LRRTM4: variants seen among roughly 807,000 people sequenced by gnomAD.
LRRTM4 encodes the protein leucine rich repeat transmembrane neuronal 4, also known as leucine-rich repeat transmembrane neuronal protein 4.
Under a neutral mutation model 47.6 loss-of-function variants are expected in LRRTM4, and 25 were observed. The ratio of observed to expected loss-of-function variants is 0.53; its 90% CI spans 0.38 to 0.73. The LOEUF is 0.73. Ranked by LOEUF, LRRTM4 falls within the 30% of genes least tolerant of loss-of-function variation. The pLI is 0.00. For missense variants in LRRTM4, 638 were observed against 713.4 expected (o/e 0.89, Z 1.20); for synonymous variants, 311 against 269.5 (o/e 1.15, Z -1.51).
At chr2:76,817,693 A>T (rs1305840962) in intron 3 of LRRTM4, among the ~76,000 whole-genome samples, 1 of 151,936 alleles carries the variant, frequency 6.6e-6, no homozygotes, top group African/African-American at 2.4e-5. Context: ...CTTCCCTGAA[A>T]CTGCCTTGGA....
chr2:76,801,461 C>T (rs1036364062), intron 3 of LRRTM4, among the ~76,000 whole-genome samples: 2 of 151,698 alleles, frequency 1.3e-5, no homozygotes, highest in Non-Finnish European at 2.9e-5. Context: ...GGGAATTGAA[C>T]AATGAGATCA....
At chr2:77,085,236 A>C (rs980004615) in intron 3 of LRRTM4, among the ~76,000 whole-genome samples, 2 of 151,994 alleles carry the variant, frequency 1.3e-5, no homozygotes, top group African/African-American at 4.8e-5. Context: ...AAATCATATA[A>C]ACTTTTTGAG....
At chr2:77,324,325 G>A (rs1316469707) in intron 3 of LRRTM4, among the ~76,000 whole-genome samples, 1 of 152,124 alleles carries the variant, frequency 6.6e-6, no homozygotes, top group Admixed American at 6.6e-5. Context: ...AGTCCTGTGG[G>A]CTGGAGGAAG....
At chr2:77,304,327 C>T (rs578096358) in intron 3 of LRRTM4, among the ~76,000 whole-genome samples, 1 of 151,946 alleles carries the variant, frequency 6.6e-6, no homozygotes, top group Non-Finnish European at 1.5e-5. Context: ...TGTTTGAATT[C>T]CTGATTTTGT....
At chr2:77,008,801 C>G (rs183615794) in intron 3 of LRRTM4, among the ~76,000 whole-genome samples, 1 of 152,034 alleles carries the variant, frequency 6.6e-6, no homozygotes, top group Non-Finnish European at 1.5e-5. Flanking sequence ...CATGACGAGG[C>G]GCCGGCAATG....
At chr2:77,504,770 T>A (rs187208112) in intron 3 of LRRTM4, among the ~76,000 whole-genome samples, 1 of 123,606 alleles carries the variant, frequency 8.1e-6, no homozygotes, top group Admixed American at 8.6e-5. Flanking sequence ...TGAACAAATA[T>A]ATGACTAGAG....
At chr2:76,885,493 C>T (rs540608932) in intron 3 of LRRTM4, among the ~76,000 whole-genome samples, 86 of 141,958 alleles carry the variant, frequency 6.1e-4, no homozygotes, top group Non-Finnish European at 9.6e-4. Context: ...GACGAAGTCT[C>T]GCTCTGTCGC....
chr2:76,801,509 T>G (rs866391322), intron 3 of LRRTM4, among the ~76,000 whole-genome samples: 9 of 151,928 alleles, frequency 5.9e-5, no homozygotes, highest in Admixed American at 4.6e-4. Flanking sequence ...CTCTGGGGAC[T>G]GTTGTGGTGT....
intron 3 of LRRTM4, among the ~76,000 whole-genome samples, chr2:77,449,481 A>G (rs1252368466): frequency 6.6e-6 from 1 of 152,122 alleles, no homozygotes; most frequent in African/African-American, 2.4e-5. Context: ...GGCTTCCTCT[A>G]TTTTATGGAA....
intron 3 of LRRTM4, among the ~76,000 whole-genome samples, chr2:76,822,304 C>G (rs1276468767): frequency 1.3e-5 from 2 of 151,096 alleles, no homozygotes; most frequent in Admixed American, 1.3e-4. Context: ...ACAAAGACAG[C>G]TAGATATTAT....
chr2:76,928,467 A>G (rs1185892926), intron 3 of LRRTM4, among the ~76,000 whole-genome samples: 3 of 152,158 alleles, frequency 2.0e-5, no homozygotes, highest in Admixed American at 6.6e-5. Context: ...ACCACTATCC[A>G]CGGAGGAGCT....
Position 77,180,954 on chromosome 2 carries a change from G to A in LRRTM4, c.1551+337364C>T, listed in dbSNP as rs536082956. 2.6e-5 allele frequency among the ~76,000 whole-genome samples: 4 copies of A among 152,018 alleles called. No homozygotes were observed. In the South Asian group the frequency reaches 8.3e-4, roughly 32 times the overall value. On this transcript the variant is annotated intron_variant, in intron 3 of 3. Transcript: ENST00000409884. ...TATTATATAAATTCTACCATTAGAGGTATATTTCACTCTAATAAAGCTTTC... is the reference window on the plus strand; with the variant it reads ...TATTATATAAATTCTACCATTAGAGATATATTTCACTCTAATAAAGCTTTC...
chr2:77,403,610 TG>T (rs1413900192), intron 3 of LRRTM4, among the ~76,000 whole-genome samples: 3 of 151,942 alleles, frequency 2.0e-5, no homozygotes, highest in Non-Finnish European at 2.9e-5. Flanking sequence ...ATTTAATGAA[TG>T]TTTTCTAACT....
intron 3 of LRRTM4, among the ~76,000 whole-genome samples, chr2:76,809,501 G>T (rs565419365): frequency 6.6e-6 from 1 of 152,180 alleles, no homozygotes; most frequent in South Asian, 2.1e-4. Flanking sequence ...TTACTGGGGG[G>T]AAAAATTGTA....
At chr2:77,285,466 G>A (rs1450038175) in intron 3 of LRRTM4, among the ~76,000 whole-genome samples, 1 of 151,060 alleles carries the variant, frequency 6.6e-6, no homozygotes, top group Admixed American at 6.6e-5. Flanking sequence ...TCCTGGCCAG[G>A]TGCAGTGGCT....
At chr2:77,512,538 A>C (rs2104107093) in intron 3 of LRRTM4, among the ~76,000 whole-genome samples, 1 of 151,996 alleles carries the variant, frequency 6.6e-6, no homozygotes, top group East Asian at 1.9e-4. Flanking sequence ...GTTTTTCAAA[A>C]CTCTCAGTGT....
At chr2:76,913,786 A>G (rs960465690) in intron 3 of LRRTM4, among the ~76,000 whole-genome samples, 1 of 151,924 alleles carries the variant, frequency 6.6e-6, no homozygotes, top group African/African-American at 2.4e-5. Flanking sequence ...TGATCCATCC[A>G]TCTTGGCCTC....
At chr2:76,833,686 TTA>T (rs998618046) in intron 3 of LRRTM4, among the ~76,000 whole-genome samples, 5 of 151,992 alleles carry the variant, frequency 3.3e-5, no homozygotes, top group Non-Finnish European at 7.4e-5. Context: ...TTTTACTTCA[TTA>T]TGACTTCCTA....
intron 3 of LRRTM4, among the ~76,000 whole-genome samples, chr2:77,283,523 A>G (rs1265137110): frequency 6.6e-6 from 1 of 152,070 alleles, no homozygotes; most frequent in Non-Finnish European, 1.5e-5. Flanking sequence ...CTGCATTCAG[A>G]TGTTCATTGC....
Sources: allele counts gnomAD v4.1 joint callset (sites outside exome capture counted in the v4.1 genomes callset), GRCh38; gene constraint gnomAD v4.1.1; transcripts MANE v1.5; gene names NCBI Gene and HGNC (gene_info 2026-07-23, HGNC 2026-07-21).